Variants in DIP2B observed in about 807,000 individuals in gnomAD.
The protein encoded by DIP2B is DIP2 acetate--CoA ligase B (putative).
A neutral mutation model predicts 198.0 loss-of-function variants in DIP2B; 76 were observed. The ratio of observed to expected loss-of-function variants is 0.38; its 90% CI spans 0.32 to 0.46. The LOEUF is 0.46. Ranked by LOEUF, DIP2B falls within the 20% of genes least tolerant of loss-of-function variation. The pLI is 0.99. For synonymous variants in DIP2B, 701 were observed against 739.1 expected (o/e 0.95, Z 0.84); for missense variants, 1,559 against 1,978.4 (o/e 0.79, Z 4.02).
At position 50,662,385 on chromosome 12, in the gene DIP2B, A is replaced by G. The variant is rs1362021904; in HGVS notation, c.427+2066A>G. Reference sequence around the variant, plus strand: ...TAGTGATTTCTCACACAGCCCCCACATGGGATATCTTGATGCTGTCATGCA... The same window carrying G: ...TAGTGATTTCTCACACAGCCCCCACGTGGGATATCTTGATGCTGTCATGCA... On this transcript the variant is annotated intron_variant, in intron 4 of 37. Transcript: ENST00000301180. Among the ~76,000 whole-genome samples, 9 of 152,348 alleles carry G rather than the reference A, an allele frequency of 5.9e-5. No homozygotes were observed. The Middle Eastern group carries it at 0.01, about 173-fold the overall frequency.
At chr12:50,537,369 C>T (rs1005079272) in intron 1 of DIP2B, among the ~76,000 whole-genome samples, 2 of 151,892 alleles carry the variant, frequency 1.3e-5, no homozygotes, top group African/African-American at 4.8e-5. Flanking sequence ...GGAAGGAAAT[C>T]GGTAGGATGT....
chr12:50,660,026 G>T (rs1592114673), intron 3 of DIP2B, among the ~76,000 whole-genome samples, 168 bp from the exon 4 acceptor site: 2 of 147,706 alleles, frequency 1.4e-5, no homozygotes, highest in South Asian at 2.2e-4. Context: ...TTTTGTTTTT[G>T]ATTTTTATTT....
chr12:50,716,800 C>T (rs991677353), intron 23 of DIP2B, among the ~76,000 whole-genome samples: 4 of 151,962 alleles, frequency 2.6e-5, no homozygotes, highest in Non-Finnish European at 5.9e-5. Flanking sequence ...TTCTTAGTTC[C>T]GTGAGGCGGA....
chr12:50,717,694 T>C (rs1045209316), intron 23 of DIP2B, among the ~76,000 whole-genome samples: 1 of 151,256 alleles, frequency 6.6e-6, no homozygotes, highest in African/African-American at 2.4e-5. Context: ...GCACAAATGA[T>C]CCTCCCACCT....
At chr12:50,697,778 T>C (rs1329895230) in intron 17 of DIP2B, among the ~76,000 whole-genome samples, 1 of 150,838 alleles carries the variant, frequency 6.6e-6, no homozygotes, top group Non-Finnish European at 1.5e-5. Flanking sequence ...CAGTCCACCT[T>C]CCTTGTCCTC....
intron 32 of DIP2B, among the ~76,000 whole-genome samples, chr12:50,733,316 T>G (rs1202944891): frequency 1.3e-5 from 2 of 151,864 alleles, no homozygotes; most frequent in Non-Finnish European, 2.9e-5. Context: ...GATGGCAACT[T>G]TGTCATGTTA....
intron 4 of DIP2B, among the ~76,000 whole-genome samples, chr12:50,667,106 C>G (rs529430650): frequency 6.6e-6 from 1 of 152,204 alleles, no homozygotes; most frequent in Non-Finnish European, 1.5e-5. Flanking sequence ...TGAGCTCAAG[C>G]AGTTCATCCG....
In DIP2B at chr12:50,591,628, C is replaced by CT. The variant is rs755331602; in HGVS notation, c.101-34337dup. On this transcript the variant is annotated intron_variant, in intron 1 of 37. Coordinates refer to ENST00000301180, the MANE Select transcript of DIP2B (RefSeq NM_173602.3). The stretch of plus-strand genomic sequence containing the variant: ...TTTCTTTTTCTTTCTTTCTTTCTTT[C>CT]TTTTTTTTTTTAATAGAAACATGGT... Among the ~76,000 whole-genome samples, 989 of 144,074 alleles carry CT rather than the reference C, an allele frequency of 6.9e-3. 10 individuals carry two copies. Among genetic ancestry groups the CT allele is most frequent in the African/African-American group, 0.02 (797 of 39,396 alleles). The allele number at this position is 144,074 out of a possible 152,430, so 94.5% of individuals were successfully genotyped here. A position where few individuals can be genotyped will look rare whatever the true frequency, so the allele number is the denominator to read the frequency against.
intron 25 of DIP2B, 67 bp downstream of exon 25, chr12:50,719,102 C>G: frequency 1.3e-6 from 2 of 1,504,034 alleles, no homozygotes; most frequent in Non-Finnish European, 1.8e-6. Context: ...CACTCTTGAT[C>G]TCTTTCTTTC....
chr12:50,579,724 G>C (rs1958706073), intron 1 of DIP2B, among the ~76,000 whole-genome samples: 1 of 108,650 alleles, frequency 9.2e-6, no homozygotes, highest in Admixed American at 1.1e-4. Flanking sequence ...TATATACATA[G>C]CTTCATGGAC....
chr12:50,505,156 C>T lies in DIP2B; in HGVS notation c.16C>T (p.Leu6=), dbSNP rs1302249961. The T allele has an allele frequency of 2.6e-6, 4 of 1,528,204 alleles. No individual in the cohort carries two copies. Among genetic ancestry groups the T allele is most frequent in the Non-Finnish European group, 2.6e-6 (3 of 1,143,008 alleles). The allele number at this position is 1,528,204 out of a possible 1,614,324, so 94.7% of individuals were successfully genotyped here. Residue 6 remains leucine, a synonymous_variant, in exon 1 of 38, where the codon CTG becomes TTG. Coordinates refer to ENST00000301180, the MANE Select transcript of DIP2B (RefSeq NM_173602.3). The part of the protein sequence containing the change: MAERG[L]EPSPAAVAAL... Reference sequence around the variant, plus strand: ...CGGAGCTGGGATGGCGGAACGAGGCCTGGAGCCGTCGCCGGCCGCGGTGGC... The same window carrying T: ...CGGAGCTGGGATGGCGGAACGAGGCTTGGAGCCGTCGCCGGCCGCGGTGGC...
intron 1 of DIP2B, among the ~76,000 whole-genome samples, chr12:50,541,951 G>A (rs187424731): frequency 4.8e-4 from 73 of 150,948 alleles, no homozygotes; most frequent in Non-Finnish European, 7.2e-4. Context: ...GCAGTGAGCC[G>A]AAATTGCGCC....
intron 1 of DIP2B, among the ~76,000 whole-genome samples, chr12:50,618,113 C>T (rs1477262392): frequency 2.0e-5 from 3 of 152,042 alleles, no homozygotes; most frequent in East Asian, 1.9e-4. Flanking sequence ...ATGCTTTTTC[C>T]GTTTATTGAA....
intron 13 of DIP2B, 35 bp from the exon 14 acceptor site, chr12:50,692,914 A>G (rs776406626): frequency 1.2e-5 from 19 of 1,582,212 alleles, no homozygotes; most frequent in Non-Finnish European, 1.6e-5. Context: ...AATACTAAAG[A>G]TGATTTCTTT....
chr12:50,638,238 C>A lies in DIP2B; in HGVS notation c.173-2486C>A, dbSNP rs140311027. 3.6e-3 allele frequency among the ~76,000 whole-genome samples: 543 copies of A among 152,322 alleles called. 10 individuals are homozygous for A. The South Asian group carries it at 0.038, about 11-fold the overall frequency. ...AAGACTTAATTTGTGAGTCTGGCAG[C>A]TTCCATTCCAGCACGTATTTGTATT... On this transcript the variant is annotated intron_variant, in intron 2 of 37. Transcript: ENST00000301180.
At chr12:50,688,309 G>T (rs1169539833) in intron 12 of DIP2B, among the ~76,000 whole-genome samples, 1 of 152,116 alleles carries the variant, frequency 6.6e-6, no homozygotes, top group Admixed American at 6.6e-5. Flanking sequence ...ATTATTGGAT[G>T]CCAGGATGAT....
intron 1 of DIP2B, among the ~76,000 whole-genome samples, chr12:50,555,853 G>A (rs1242166175): frequency 1.3e-5 from 2 of 151,920 alleles, no homozygotes; most frequent in Admixed American, 1.3e-4. Context: ...CATCTCTCCT[G>A]TGCTTCTCTG....
At chr12:50,592,359 T>C (rs1020291768) in intron 1 of DIP2B, among the ~76,000 whole-genome samples, 16 of 151,746 alleles carry the variant, frequency 1.1e-4, no homozygotes, top group Non-Finnish European at 5.9e-5. Context: ...TTTTTTTTGT[T>C]GTGACAAGGT....
At chr12:50,724,907 G>A in intron 28 of DIP2B, 21 bp downstream of exon 28, 3 of 1,607,804 alleles carry the variant, frequency 1.9e-6, no homozygotes, top group Non-Finnish European at 1.7e-6. Flanking sequence ...GACTTCTTCT[G>A]AGGGTGGAGG....
Sources: allele counts gnomAD v4.1 joint callset (sites outside exome capture counted in the v4.1 genomes callset), GRCh38; gene constraint gnomAD v4.1.1; transcripts MANE v1.5; gene names NCBI Gene and HGNC (gene_info 2026-07-23, HGNC 2026-07-21).